Variants in TMBIM6 observed in about 807,000 individuals in gnomAD.
TMBIM6 encodes bax inhibitor 1.
A neutral mutation model predicts 31.4 loss-of-function variants in TMBIM6; 13 were observed. The observed-to-expected ratio is 0.41, with a 90% confidence interval of 0.27 to 0.66. TMBIM6 has a LOEUF of 0.66. Among genes scored for constraint, TMBIM6 ranks in the 30% least tolerant of loss-of-function variants. TMBIM6 has a pLI of 0.28. For missense variants in TMBIM6, 275 were observed against 289.5 expected (o/e 0.95, Z 0.36); for synonymous variants, 85 against 101.7 (o/e 0.84, Z 0.99).
intron 8 of TMBIM6, 72 bp downstream of exon 8, chr12:49,759,393 G>T: frequency 1.5e-6 from 2 of 1,357,654 alleles, no homozygotes; most frequent in Non-Finnish European, 2.1e-6. Context: ...ACTTAGGTTG[G>T]CATTGGCTGA....
At chr12:49,753,815 C>A (rs992652023) in intron 3 of TMBIM6, among the ~76,000 whole-genome samples, 2 of 152,074 alleles carry the variant, frequency 1.3e-5, no homozygotes, top group African/African-American at 4.8e-5. Flanking sequence ...CAAGGTTAGC[C>A]CTTAAATAAT....
intron 1 of TMBIM6, among the ~76,000 whole-genome samples, chr12:49,748,313 T>C (rs1165297562): frequency 1.3e-5 from 2 of 152,164 alleles, no homozygotes; most frequent in African/African-American, 4.8e-5. Flanking sequence ...AAACAAGGCA[T>C]TTAACATGAC....
chr12:49,756,734 G>GT (rs1171700002), intron 4 of TMBIM6, among the ~76,000 whole-genome samples: 11 of 133,906 alleles, frequency 8.2e-5, no homozygotes, highest in Non-Finnish European at 1.1e-4. Flanking sequence ...GCTTTTTTTT[G>GT]TTTTTTTGTT....
At chr12:49,742,208 A>C (rs1376782522) in intron 1 of TMBIM6, 5 of 1,613,124 alleles carry the variant, frequency 3.1e-6, no homozygotes, top group Non-Finnish European at 4.2e-6. Flanking sequence ...AAGTGAGAGG[A>C]GTCTGGGGCT....
intron 8 of TMBIM6, among the ~76,000 whole-genome samples, chr12:49,761,148 T>C (rs1368295304): frequency 6.6e-6 from 1 of 151,998 alleles, no homozygotes; most frequent in Non-Finnish European, 1.5e-5. Context: ...TTTTTTTTAA[T>C]GTAGTGATTC....
At chr12:49,749,201 G>C (rs888528194) in intron 1 of TMBIM6, among the ~76,000 whole-genome samples, 4 of 152,124 alleles carry the variant, frequency 2.6e-5, no homozygotes, top group Non-Finnish European at 5.9e-5. Flanking sequence ...TTACTTATCT[G>C]TATATTCTTG....
intron 1 of TMBIM6, chr12:49,741,985 C>T (rs1238635955): frequency 3.4e-6 from 4 of 1,173,460 alleles, no homozygotes; most frequent in African/African-American, 1.5e-5. Context: ...TAGCTTCGAT[C>T]GTTCGAATTC....
chr12:49,757,834 CTA>C (rs1324690104), intron 4 of TMBIM6, among the ~76,000 whole-genome samples: 1 of 152,212 alleles, frequency 6.6e-6, no homozygotes, highest in Non-Finnish European at 1.5e-5. Context: ...TCCTACATGA[CTA>C]TAAGGTTGCT....
At position 49,758,281 on chromosome 12, in the gene TMBIM6, T is replaced by C. The variant is rs1945643841; in HGVS notation, c.335+6T>C. On this transcript the variant is annotated splice_donor_region_variant and intron_variant, in intron 5 of 9. Transcript: ENST00000267115. ...TGTATTGCTGTCAACCCCAGGTAAC[T>C]CTTTTGGTAGTGTCTTATGTGCTTT... 1 of 1,614,070 alleles carries C rather than the reference T, an allele frequency of 6.2e-7. No individual in the cohort carries two copies. The highest frequency in any genetic ancestry group is 1.3e-5 in the African/African-American group (1 of 74,944).
intron 4 of TMBIM6, among the ~76,000 whole-genome samples, chr12:49,756,839 C>A (rs577192327): frequency 6.6e-6 from 1 of 151,952 alleles, no homozygotes; most frequent in East Asian, 1.9e-4. Context: ...CAGGTTCAAG[C>A]GATTCTCCTG....
intron 9 of TMBIM6, chr12:49,762,127 C>G (rs1945731235): frequency 8.6e-6 from 2 of 233,646 alleles, no homozygotes; most frequent in Admixed American, 1.0e-4. Context: ...TAATTTTATC[C>G]ATTTGTTAAT....
In TMBIM6 at chr12:49,758,445, T is replaced by C; in HGVS notation, c.398T>C (p.Leu133Pro). 6.2e-7 allele frequency: 1 copy of C among 1,614,222 alleles called. No individual in the cohort carries two copies. Among genetic ancestry groups the C allele is most frequent in the South Asian group, 1.1e-5 (1 of 91,086 alleles). ...TTTACCTGCTTCACCCTCAGTGCACTCTATGCCAGGCGCCGTAGCTACCTC... is the reference window on the plus strand; with the variant it reads ...TTTACCTGCTTCACCCTCAGTGCACCCTATGCCAGGCGCCGTAGCTACCTC... ...MIFTCFTLSA[L>P]YARRRSYLFL... Residue 133 changes from leucine (L) to proline (P), a missense_variant, in exon 6 of 10, where the codon CTC becomes CCC. By Grantham distance (98) the Leu-to-Pro change is moderately conservative (BLOSUM62 -3). Transcript: ENST00000267115.
At chr12:49,757,667 C>T (rs1358038138) in intron 4 of TMBIM6, among the ~76,000 whole-genome samples, 1 of 152,086 alleles carries the variant, frequency 6.6e-6, no homozygotes, top group Non-Finnish European at 1.5e-5. Flanking sequence ...TCAGGGCAAG[C>T]TAGTTTTTGA....
intron 1 of TMBIM6, among the ~76,000 whole-genome samples, chr12:49,750,149 A>G (rs1206441799): frequency 6.6e-6 from 1 of 152,138 alleles, no homozygotes; most frequent in Non-Finnish European, 1.5e-5. Flanking sequence ...AGAACCAGAA[A>G]GAGGCAGTCA....
At chr12:49,758,801 T>A in intron 7 of TMBIM6, 39 bp downstream of exon 7, 23 of 1,410,380 alleles carry the variant, frequency 1.6e-5, no homozygotes, top group Non-Finnish European at 2.0e-5. Flanking sequence ...GCCATTTGCC[T>A]CACACTTCTT....
chr12:49,750,571 A>G (rs1945476472), intron 1 of TMBIM6: 1 of 152,252 alleles, frequency 6.6e-6, no homozygotes, highest in Non-Finnish European at 1.5e-5. Flanking sequence ...CCTTGTAACA[A>G]CCTGCAATAA....
intron 3 of TMBIM6, 137 bp from the exon 4 acceptor site, chr12:49,755,498 C>CT: frequency 9.2e-7 from 1 of 1,090,138 alleles, no homozygotes; most frequent in East Asian, 2.5e-5. Context: ...TGAGAAAACA[C>CT]TACTTTTTCT....
At chr12:49,749,082 C>A (rs1016925653) in intron 1 of TMBIM6, among the ~76,000 whole-genome samples, 3 of 152,154 alleles carry the variant, frequency 2.0e-5, no homozygotes, top group African/African-American at 7.2e-5. Context: ...GTTTGCATAT[C>A]GGCCATTGAA....
At chr12:49,760,130 A>AT (rs894340543) in intron 8 of TMBIM6, among the ~76,000 whole-genome samples, 7 of 148,502 alleles carry the variant, frequency 4.7e-5, no homozygotes, top group Non-Finnish European at 1.0e-4. Context: ...AAAAAAAAAA[A>AT]GTGTTGGGGG....
Sources: gnomAD v4.1 joint callset for allele counts (sites outside exome capture counted in the v4.1 genomes callset) on GRCh38, gnomAD v4.1.1 for gene constraint, MANE v1.5 for transcripts, NCBI Gene and HGNC (gene_info 2026-07-23, HGNC 2026-07-21) for gene names.